The following SGCZ variants were observed in gnomAD, a reference collection of about 807,000 sequenced individuals.
SGCZ encodes zeta-sarcoglycan.
In SGCZ, 40 loss-of-function variants were observed where a neutral mutation model predicts 41.3. The ratio of observed to expected loss-of-function variants is 0.97; its 90% confidence interval spans 0.75 to 1.26. SGCZ has a LOEUF of 1.26. Among genes scored for constraint, SGCZ ranks in the 50% most tolerant of loss-of-function variants. The probability of loss-of-function intolerance (pLI) is 0.00; values close to 1 mark genes in which losing one functional copy is unlikely to be tolerated. For synonymous variants in SGCZ, 206 were observed against 137.5 expected, an observed-to-expected ratio of 1.50 and a Z score of -3.49; for missense variants, 552 against 369.8, an observed-to-expected ratio of 1.49 and a Z score of -4.04.
chr8:14,413,860 ATTTGTTCT>A (rs1799425743), intron 2 of SGCZ, among the ~76,000 whole-genome samples: 1 of 151,916 alleles, frequency 6.6e-6, no homozygotes, highest in African/African-American at 2.4e-5. Flanking sequence ...TCTTTCTTTG[ATTTGTTCT>A]CTGATATATC....
intron 2 of SGCZ, among the ~76,000 whole-genome samples, chr8:14,438,506 T>A (rs1013772304): frequency 1.3e-5 from 2 of 151,998 alleles, no homozygotes; most frequent in African/African-American, 4.8e-5. Context: ...CTCTATTCAA[T>A]TCTATTCTAG....
At chr8:14,633,387 G>C (rs1806722094) in intron 1 of SGCZ, among the ~76,000 whole-genome samples, 2 of 151,862 alleles carry the variant, frequency 1.3e-5, no homozygotes, top group African/African-American at 2.4e-5. Context: ...CTCTAAAATA[G>C]ACATAGTAAT....
At chr8:15,009,074 G>A (rs190272606) in intron 1 of SGCZ, among the ~76,000 whole-genome samples, 10 of 152,222 alleles carry the variant, frequency 6.6e-5, no homozygotes, top group African/African-American at 2.4e-4. Flanking sequence ...TCATTTATCT[G>A]AATCACAGTA....
intron 2 of SGCZ, among the ~76,000 whole-genome samples, chr8:14,463,763 C>T (rs893379402): frequency 6.6e-6 from 1 of 151,556 alleles, no homozygotes; most frequent in African/African-American, 2.4e-5. Context: ...TTTTTCTAGA[C>T]AGCTTTTATT....
At chr8:14,250,003 A>G (rs2117203776) in intron 3 of SGCZ, among the ~76,000 whole-genome samples, 1 of 152,346 alleles carries the variant, frequency 6.6e-6, no homozygotes, top group African/African-American at 2.4e-5. Context: ...CAGTGCTTAC[A>G]AATCAATAAT....
intron 1 of SGCZ, among the ~76,000 whole-genome samples, chr8:14,653,595 A>G (rs1461393546): frequency 6.6e-6 from 1 of 152,084 alleles, no homozygotes; most frequent in Non-Finnish European, 1.5e-5. Context: ...TTTCTCTGGC[A>G]CCATTCTTTG....
At chr8:14,654,023 A>G (rs1271247953) in intron 1 of SGCZ, among the ~76,000 whole-genome samples, 1 of 152,116 alleles carries the variant, frequency 6.6e-6, no homozygotes, top group African/African-American at 2.4e-5. Context: ...GCCATTTAGG[A>G]CAATGCATGA....
chr8:14,441,295 G>C (rs553655889), intron 2 of SGCZ, among the ~76,000 whole-genome samples: 1 of 152,176 alleles, frequency 6.6e-6, no homozygotes, highest in African/African-American at 2.4e-5. Context: ...CAATCATTTT[G>C]GCCGGGGACA....
chr8:14,750,289 G>C (rs1308502482), intron 1 of SGCZ, among the ~76,000 whole-genome samples: 1 of 151,858 alleles, frequency 6.6e-6, no homozygotes, highest in Admixed American at 6.6e-5. Context: ...TTTAATGTTG[G>C]GATGGCATCT....
At chr8:14,837,276 G>C (rs1802730206) in intron 1 of SGCZ, among the ~76,000 whole-genome samples, 1 of 152,206 alleles carries the variant, frequency 6.6e-6, no homozygotes. Flanking sequence ...TTTGCACAAA[G>C]ATCACAATGA....
chr8:14,174,851 C>G (rs192774082), intron 4 of SGCZ, among the ~76,000 whole-genome samples: 1 of 152,040 alleles, frequency 6.6e-6, no homozygotes, highest in African/African-American at 2.4e-5. Flanking sequence ...ATCTTAAAGG[C>G]TCTGAGAAAA....
intron 4 of SGCZ, among the ~76,000 whole-genome samples, chr8:14,222,809 T>C (rs1258140817): frequency 4.0e-5 from 5 of 124,294 alleles, no homozygotes; most frequent in Non-Finnish European, 6.7e-5. Context: ...TTTTTTTTTT[T>C]TTTTTTTTTT....
At chr8:15,020,602 A>G (rs145376620) in intron 1 of SGCZ, among the ~76,000 whole-genome samples, 1 of 152,312 alleles carries the variant, frequency 6.6e-6, no homozygotes, top group East Asian at 1.9e-4. Flanking sequence ...CAGATACACA[A>G]TTCTATTATA....
intron 1 of SGCZ, among the ~76,000 whole-genome samples, chr8:15,132,347 G>T (rs1208568220): frequency 6.6e-6 from 1 of 152,096 alleles, no homozygotes; most frequent in African/African-American, 2.4e-5. Context: ...CACAGCACAA[G>T]AAGATGTTTA....
intron 1 of SGCZ, among the ~76,000 whole-genome samples, chr8:15,099,836 C>G (rs907584494): frequency 6.6e-6 from 1 of 151,744 alleles, no homozygotes; most frequent in African/African-American, 2.4e-5. Context: ...CATTAACAGG[C>G]TAAAGAGGAA....
At chr8:14,977,880 T>TACAC (rs10562709) in intron 1 of SGCZ, among the ~76,000 whole-genome samples, 5,101 of 149,578 alleles carry the variant, frequency 0.034, 127 homozygotes, top group South Asian at 0.11. Flanking sequence ...AGAACAATTT[T>TACAC]ACACACACAC....
intron 2 of SGCZ, among the ~76,000 whole-genome samples, chr8:14,524,143 G>A (rs1309652427): frequency 6.6e-6 from 1 of 151,680 alleles, no homozygotes; most frequent in Non-Finnish European, 1.5e-5. Flanking sequence ...TAACATGAGT[G>A]ATTTTGTACT....
Position 14,414,973 on chromosome 8 carries a change from C to T in SGCZ, c.235-90769G>A, listed in dbSNP as rs1234603086. ...TCAAGAAAATCACTTTTATTCATTTCTTAGTTCATTTAATAATATTTTGGA... is the reference window on the plus strand; with the variant it reads ...TCAAGAAAATCACTTTTATTCATTTTTTAGTTCATTTAATAATATTTTGGA... On this transcript the variant is annotated intron_variant, in intron 2 of 7. Transcript: ENST00000382080. Among the ~76,000 whole-genome samples the T allele has an allele frequency of 2.0e-5, 3 of 151,850 alleles. No individual in the cohort carries two copies. The East Asian group carries it at 5.8e-4, about 29-fold the overall frequency.
intron 2 of SGCZ, among the ~76,000 whole-genome samples, chr8:14,416,163 C>T (rs1462738773): frequency 2.0e-5 from 3 of 151,824 alleles, no homozygotes; most frequent in South Asian, 2.1e-4. Flanking sequence ...TGTGTGCACA[C>T]GCACACACTC....
Sources: gnomAD v4.1 joint callset for allele counts (sites outside exome capture counted in the v4.1 genomes callset) on GRCh38, gnomAD v4.1.1 for gene constraint, MANE v1.5 for transcripts, NCBI Gene and HGNC (gene_info 2026-07-23, HGNC 2026-07-21) for gene names.